Variants in AGAP1 observed in about 807,000 individuals in gnomAD.
AGAP1 encodes the protein ArfGAP with GTPase domain, ankyrin repeat and PH domain 1, also known as arf-GAP with GTPase, ANK repeat and PH domain-containing protein 1.
In AGAP1, 29 loss-of-function variants were observed where a neutral mutation model predicts 105.3. The observed-to-expected ratio is 0.28, with a 90% confidence interval of 0.21 to 0.38. The LOEUF is 0.38. AGAP1 is among the 10% of genes least tolerant of loss of function. The probability of loss-of-function intolerance (pLI) is 1.00; values close to 1 mark genes in which losing one functional copy is unlikely to be tolerated. For missense variants in AGAP1, 998 were observed against 1,165.1 expected, an observed-to-expected ratio of 0.86 and a Z score of 2.09; for synonymous variants, 509 against 485.9, an observed-to-expected ratio of 1.05 and a Z score of -0.63.
rs964056812 is a variant in AGAP1, at chr2:235,724,018, G to A, written c.310+6374G>A. On this transcript the variant is annotated intron_variant, in intron 3 of 17. Transcript: ENST00000304032. The surrounding 1 kb of genome is among the most constrained non-coding windows in gnomAD (Gnocchi z 4.9). ...GTCAGTGGTGTCGTAGCCTGCTGCC[G>A]CCACACAGAGGGATTTGCAGGGAAG... 1.3e-5 allele frequency among the ~76,000 whole-genome samples: 2 copies of A among 152,294 alleles called. No homozygotes were observed. The highest frequency in any genetic ancestry group is 4.8e-5 in the African/African-American group (2 of 41,572).
chr2:235,670,218 A>C (rs1336085962), intron 1 of AGAP1: 1 of 571,106 alleles, frequency 1.8e-6, no homozygotes, highest in Admixed American at 2.6e-5. Context: ...AGGAAGGAGC[A>C]GCTGGCCGCG....
chr2:236,022,459 C>A (rs2056916040), intron 13 of AGAP1, among the ~76,000 whole-genome samples: 1 of 152,204 alleles, frequency 6.6e-6, no homozygotes. Context: ...AATAACTTCT[C>A]AAGTATACTA....
chr2:235,528,871 T>C (rs1226236761), intron 1 of AGAP1, among the ~76,000 whole-genome samples: 2 of 23,574 alleles, frequency 8.5e-5, no homozygotes, highest in South Asian at 2.8e-3. Flanking sequence ...CAGATGGGAT[T>C]TTACTGTGTT....
At position 235,853,175 on chromosome 2, in the gene AGAP1, A is replaced by G. The variant is rs559278836; in HGVS notation, c.1051-30170A>G. On this transcript the variant is annotated intron_variant, in intron 9 of 17. Coordinates refer to ENST00000304032, the MANE Select transcript of AGAP1 (RefSeq NM_001037131.3). Reference sequence around the variant, plus strand: ...TGTTTTGGGTACAAGCAGTGGTAGAAACATAAAACATTAAAATCCAAGATT... The same window carrying G: ...TGTTTTGGGTACAAGCAGTGGTAGAGACATAAAACATTAAAATCCAAGATT... The G allele has an allele frequency of 6.8e-5, 75 of 1,098,466 alleles. 1 individual carries two copies. The Middle Eastern group carries it at 1.2e-3, about 17-fold the overall frequency. 68.0% of individuals were successfully genotyped at this position (1,098,466 alleles called of 1,614,324 possible). A position where few individuals can be genotyped will look rare whatever the true frequency, so the allele number is the denominator to read the frequency against.
intron 1 of AGAP1, among the ~76,000 whole-genome samples, chr2:235,684,700 C>G (rs1949285959): frequency 6.6e-6 from 1 of 152,068 alleles, no homozygotes; most frequent in Non-Finnish European, 1.5e-5. Context: ...AGGTGCAGCC[C>G]CTTTCTTGTA....
chr2:235,759,381 G>T (rs1053584514), intron 6 of AGAP1, among the ~76,000 whole-genome samples: 4 of 150,790 alleles, frequency 2.7e-5, no homozygotes, highest in Non-Finnish European at 5.9e-5. Flanking sequence ...GTGTTAGCCA[G>T]GATGGTCTTG....
chr2:235,626,193 CAAA>C (rs777311185), intron 1 of AGAP1, among the ~76,000 whole-genome samples: 1 of 129,462 alleles, frequency 7.7e-6, no homozygotes, highest in African/African-American at 2.8e-5. Context: ...ACTAAAAATA[CAAA>C]AAAAAAAAAA....
At chr2:236,064,018 AG>A (rs1335237333) in intron 16 of AGAP1, among the ~76,000 whole-genome samples, 2 of 152,232 alleles carry the variant, frequency 1.3e-5, no homozygotes, top group Admixed American at 1.3e-4. Context: ...TCTCTCCTCA[AG>A]GACCTCGAAG....
rs58398486 is a variant in AGAP1, at chr2:235,900,263, A to T, written c.1156-8475A>T. Among the ~76,000 whole-genome samples the T allele has an allele frequency of 0.023, 3,491 of 152,302 alleles. 105 individuals carry two copies. Among genetic ancestry groups the T allele is most frequent in the African/African-American group, 0.08 (3,331 of 41,550 alleles). ...CATGATGGAGTAGTAGACTGATTTC[A>T]TCTTGATAGTCTGGGTCAGTCACTC... is the stretch of plus-strand genomic sequence containing the variant. On this transcript the variant is annotated intron_variant, in intron 10 of 17. Transcript: ENST00000304032. This position sits in a 1 kb window ranked among gnomAD's most constrained non-coding sequence, Gnocchi z 5.5.
intron 1 of AGAP1, among the ~76,000 whole-genome samples, chr2:235,683,402 C>G (rs550363938): frequency 5.4e-4 from 82 of 151,978 alleles, no homozygotes; most frequent in Non-Finnish European, 1.0e-3. Flanking sequence ...ATGTACTTGC[C>G]TCCCTCATAT....
At chr2:236,023,497 C>T (rs1229615137) in intron 13 of AGAP1, among the ~76,000 whole-genome samples, 1 of 152,142 alleles carries the variant, frequency 6.6e-6, no homozygotes, top group African/African-American at 2.4e-5. Flanking sequence ...AAGGGCTTGG[C>T]GGAAGGTAAG....
chr2:235,685,841 G>A (rs922251053), intron 1 of AGAP1, among the ~76,000 whole-genome samples: 2 of 152,102 alleles, frequency 1.3e-5, no homozygotes, highest in African/African-American at 2.4e-5. Context: ...ACATGTGCCC[G>A]AGGTGGCCTG....
At position 236,012,109 on chromosome 2, in the gene AGAP1, C is replaced by G. The variant is rs2056533283; in HGVS notation, c.1646-24452C>G. Among the ~76,000 whole-genome samples the G allele has an allele frequency of 1.3e-5, 2 of 152,102 alleles. No individual in the cohort carries two copies. The highest frequency in any genetic ancestry group is 4.2e-4 in the South Asian group (2 of 4,814). On this transcript the variant is annotated intron_variant, in intron 13 of 17. Transcript: ENST00000304032. The surrounding 1 kb of genome is among the most constrained non-coding windows in gnomAD (Gnocchi z 4.9). The stretch of plus-strand genomic sequence containing the variant: ...CATCCATTTGTTTAAGGGGAAGAAA[C>G]AGGCACGACATTTTGCACATTAAAA...
At chr2:235,681,843 CTTTTTTTTTTT>C (rs56934868) in intron 1 of AGAP1, among the ~76,000 whole-genome samples, 2 of 78,302 alleles carry the variant, frequency 2.6e-5, no homozygotes, top group East Asian at 4.5e-4. Context: ...ATTTAGTTTG[CTTTTTTTTTTT>C]TTTTTTTTTT....
At chr2:235,984,550 A>G (rs780495840) in intron 13 of AGAP1, among the ~76,000 whole-genome samples, 1 of 150,136 alleles carries the variant, frequency 6.7e-6, no homozygotes, top group Non-Finnish European at 1.5e-5. Context: ...AGGTATACAT[A>G]TGCCATGGTG....
At chr2:235,862,129 G>C (rs533504455) in intron 9 of AGAP1, among the ~76,000 whole-genome samples, 3 of 150,826 alleles carry the variant, frequency 2.0e-5, no homozygotes, top group Admixed American at 6.6e-5. Context: ...CAGGGGCCCT[G>C]CTGTCCTGGG....
chr2:235,665,903 A>T lies in AGAP1; in HGVS notation c.164-43276A>T, dbSNP rs1948111458. 6.6e-6 allele frequency among the ~76,000 whole-genome samples: 1 copy of T among 152,218 alleles called. No individual in the cohort carries two copies. The highest frequency in any genetic ancestry group is 2.4e-5 in the African/African-American group (1 of 41,446). ...GACTGGCTACCAGAAGTTTCCTTTA[A>T]ATAAGGCTTATCAGCTCTAGCAACA... is the stretch of plus-strand genomic sequence containing the variant. On this transcript the variant is annotated intron_variant, in intron 1 of 17. Transcript: ENST00000304032. This position sits in a 1 kb window ranked among gnomAD's most constrained non-coding sequence, Gnocchi z 5.3.
rs2051392230 is a variant in AGAP1, at chr2:235,908,035, TC to T, written c.1156-698del. ...AGTAACTCACTGGCCAGCAGGCCCA[TC>T]CCCCGGCTCTCAGTTGCTTGTTCAC... On this transcript the variant is annotated intron_variant, in intron 10 of 17. Coordinates refer to ENST00000304032, the MANE Select transcript of AGAP1 (RefSeq NM_001037131.3). The surrounding 1 kb of genome is among the most constrained non-coding windows in gnomAD (Gnocchi z 4.4). Among the ~76,000 whole-genome samples, 2 of 152,178 alleles carry T rather than the reference TC, an allele frequency of 1.3e-5. No homozygotes were observed. The highest frequency in any genetic ancestry group is 4.8e-5 in the African/African-American group (2 of 41,440).
intron 9 of AGAP1, among the ~76,000 whole-genome samples, chr2:235,810,683 CTCTT>C (rs997361632): frequency 2.0e-5 from 3 of 152,198 alleles, no homozygotes; most frequent in African/African-American, 7.2e-5. Context: ...ATGACGTTGT[CTCTT>C]TCTTCTTTCT....
Sources: gnomAD v4.1 joint callset for allele counts (sites outside exome capture counted in the v4.1 genomes callset) on GRCh38, gnomAD v4.1.1 for gene constraint, Gnocchi (gnomAD v3.1) non-coding constraint, MANE v1.5 for transcripts, NCBI Gene and HGNC (gene_info 2026-07-23, HGNC 2026-07-21) for gene names.